NPHP4: variants seen among roughly 807,000 people sequenced by gnomAD.
NPHP4 encodes the protein nephrocystin 4, also known as nephrocystin-4.
A neutral mutation model predicts 155.8 loss-of-function variants in NPHP4; 151 were observed. That is an observed-to-expected ratio of 0.97 (90% CI 0.85 to 1.11). The LOEUF (loss-of-function observed/expected upper bound fraction) is 1.11. Among genes scored for constraint, NPHP4 ranks in the 50% least tolerant of loss-of-function variants. NPHP4 has a pLI of 0.00. For synonymous variants in NPHP4, 845 were observed against 816.8 expected (o/e 1.03, Z -0.59); for missense variants, 1,956 against 1,925.7 (o/e 1.02, Z -0.29).
chr1:5,864,244 C>CA, intron 28 of NPHP4, 94 bp downstream of exon 28: 1 of 1,281,672 alleles, frequency 7.8e-7, no homozygotes, highest in South Asian at 1.4e-5. Flanking sequence ...ACACTGTATC[C>CA]AGTGGTCCGA....
At chr1:5,964,941 A>ATATATATTTTTTTTTTTTTTTTTTT in intron 5 of NPHP4, among the ~76,000 whole-genome samples, 29 of 59,400 alleles carry the variant, frequency 4.9e-4, no homozygotes, top group African/African-American at 2.2e-3. Context: ...ATATATATAT[A>ATATATATTTTTTTTTTTTTTTTTTT]TTTTTTTTTT....
At chr1:5,990,480 A>G (rs806107) in intron 1 of NPHP4, among the ~76,000 whole-genome samples, 65,777 of 151,588 alleles carry the variant, frequency 0.43, 14,791 homozygotes, top group African/African-American at 0.57. Flanking sequence ...AAATACACCC[A>G]CTTTTAATGA....
chr1:5,925,390 A>C (rs947182181), intron 11 of NPHP4, among the ~76,000 whole-genome samples: 1 of 152,226 alleles, frequency 6.6e-6, no homozygotes, highest in African/African-American at 2.4e-5. Context: ...AAGGGACTTG[A>C]GCATGTGGAA....
intron 4 of NPHP4, among the ~76,000 whole-genome samples, chr1:5,968,727 A>G (rs1651991904): frequency 6.6e-6 from 1 of 152,150 alleles, no homozygotes; most frequent in African/African-American, 2.4e-5. Flanking sequence ...TTAAACCACC[A>G]TAGAAAGATG....
chr1:5,881,353 C>T (rs1643268508), intron 18 of NPHP4: 1 of 152,272 alleles, frequency 6.6e-6, no homozygotes, highest in Admixed American at 6.5e-5. Flanking sequence ...AGGTGTCTCT[C>T]TAGAATGGGT....
rs765386266 is a variant in NPHP4 at position 5,880,036 on chromosome 1, C to T, written c.2611+78G>A. 2.6e-6 allele frequency: 4 copies of T among 1,531,084 alleles called. No individual in the cohort carries two copies. In the African/African-American group the frequency reaches 4.1e-5, roughly 16 times the overall value. The allele number at this position is 1,531,084 out of a possible 1,614,324, so 94.8% of individuals were successfully genotyped here. Reference sequence around the variant, plus strand: ...ACACACATGCACACACGCATGCACACACACACACACGCAGTCTTCCACCTC... The same window carrying T: ...ACACACATGCACACACGCATGCACATACACACACACGCAGTCTTCCACCTC... On this transcript the variant is annotated intron_variant, in intron 19 of 29. Coordinates refer to ENST00000378156, the MANE Select transcript of NPHP4 (RefSeq NM_015102.5).
chr1:5,956,619 C>T (rs942454188), intron 6 of NPHP4, among the ~76,000 whole-genome samples: 15 of 152,284 alleles, frequency 9.9e-5, no homozygotes, highest in Middle Eastern at 3.4e-3. Context: ...CTGTGACCTT[C>T]GAGAGGCCAG....
At chr1:5,864,104 T>G in intron 28 of NPHP4, 71 bp from the exon 29 acceptor site, 1 of 1,542,210 alleles carries the variant, frequency 6.5e-7, no homozygotes, top group Non-Finnish European at 8.9e-7. Context: ...CCTCCAAGTA[T>G]TCCCTGAGTC....
chr1:5,922,597 G>C (rs1238197045), intron 11 of NPHP4, among the ~76,000 whole-genome samples: 1 of 152,010 alleles, frequency 6.6e-6, no homozygotes, highest in Non-Finnish European at 1.5e-5. Flanking sequence ...AAGGTGGGAG[G>C]ACCACTTGAG....
chr1:5,913,776 A>G (rs760993486), intron 11 of NPHP4, among the ~76,000 whole-genome samples: 57 of 152,362 alleles, frequency 3.7e-4, no homozygotes, highest in African/African-American at 1.2e-3. Flanking sequence ...GAAGTTGTAC[A>G]GTGAACAAAT....
intron 2 of NPHP4, among the ~76,000 whole-genome samples, chr1:5,984,699 C>A (rs1340758557): frequency 3.3e-5 from 5 of 152,128 alleles, no homozygotes; most frequent in Non-Finnish European, 5.9e-5. Context: ...CTGGGGATGC[C>A]ATGGGATGAT....
chr1:5,896,977 C>T (rs949866844), intron 16 of NPHP4, among the ~76,000 whole-genome samples: 27 of 152,306 alleles, frequency 1.8e-4, no homozygotes, highest in African/African-American at 6.0e-4. Context: ...GCAAAACAGC[C>T]GGACACCTAA....
At chr1:5,936,423 G>C (rs190862671) in intron 9 of NPHP4, among the ~76,000 whole-genome samples, 1 of 152,028 alleles carries the variant, frequency 6.6e-6, no homozygotes, top group East Asian at 1.9e-4. Flanking sequence ...AGTCTAACAC[G>C]CTCCTACAGC....
In NPHP4 at chr1:5,910,129, GC is replaced by G. The variant is rs770843104; in HGVS notation, c.1442-917del. On this transcript the variant is annotated intron_variant, in intron 11 of 29. Coordinates refer to ENST00000378156, the MANE Select transcript of NPHP4 (RefSeq NM_015102.5). The surrounding 1 kb of genome is among the most constrained non-coding windows in gnomAD (Gnocchi z 5.4). ...TTCACATACACTGCCATTTGCCTTT[GC>G]CCACCATGAAACCACCAAGCCAGAC... Among the ~76,000 whole-genome samples the G allele has an allele frequency of 6.6e-6, 1 of 152,130 alleles. No homozygotes were observed. Among genetic ancestry groups the G allele is most frequent in the Non-Finnish European group, 1.5e-5 (1 of 68,022 alleles).
At chr1:5,868,881 C>T (rs1191714251) in intron 23 of NPHP4, among the ~76,000 whole-genome samples, 11 of 144,064 alleles carry the variant, frequency 7.6e-5, no homozygotes, top group East Asian at 2.1e-4. Context: ...TGCCCCCACA[C>T]GCACACATAT....
At chr1:5,873,042 C>T (rs188801757) in intron 23 of NPHP4, among the ~76,000 whole-genome samples, 10 of 152,318 alleles carry the variant, frequency 6.6e-5, no homozygotes, top group East Asian at 3.9e-4. Context: ...GAGGCATTTC[C>T]GACCAGATAC....
At position 5,887,384 on chromosome 1, in the gene NPHP4, A is replaced by G. The variant is rs373607036; in HGVS notation, c.2387T>C (p.Met796Thr). 32 of 1,613,350 alleles carry G rather than the reference A, an allele frequency of 2.0e-5. No homozygotes were observed. The highest frequency in any genetic ancestry group is 2.6e-5 in the Non-Finnish European group (31 of 1,179,866). Residue 796 changes from methionine to threonine, a missense_variant, in exon 18 of 30, where the codon ATG becomes ACG. Met to Thr is a moderately conservative substitution (Grantham distance 81). Coordinates refer to ENST00000378156, the MANE Select transcript of NPHP4 (RefSeq NM_015102.5). ...CCCCAGCATGTCTCCACTCACCACCATGTTGTCCTGCTCGTATTCAGTTGC... is the reference window on the plus strand; with the variant it reads ...CCCCAGCATGTCTCCACTCACCACCGTGTTGTCCTGCTCGTATTCAGTTGC... ...VVATEYEQDN[M>T]VVSGDMLGFG...
intron 11 of NPHP4, among the ~76,000 whole-genome samples, chr1:5,921,420 C>G (rs1192427985): frequency 1.3e-5 from 2 of 152,216 alleles, no homozygotes; most frequent in Admixed American, 1.3e-4. Context: ...CTCTTCAAAG[C>G]GGCTGCACAC....
rs955316237 is a variant in NPHP4 at position 5,874,427 on chromosome 1, G to A, written c.3231+44C>T. The A allele has an allele frequency of 1.2e-4, 179 of 1,461,246 alleles. 1 individual carries two copies. In the East Asian group the frequency reaches 3.4e-3, roughly 28 times the overall value. The allele number at this position is 1,461,246 out of a possible 1,614,324, so 90.5% of individuals were successfully genotyped here. The stretch of plus-strand genomic sequence containing the variant: ...CTGGAAGCATTCTCAATTTCCCACC[G>A]TCATCAGCCAAATGCAACTTCCCTG... On this transcript the variant is annotated intron_variant, in intron 22 of 29. Coordinates refer to ENST00000378156, the MANE Select transcript of NPHP4 (RefSeq NM_015102.5).
Sources: gnomAD v4.1 joint callset for allele counts (sites outside exome capture counted in the v4.1 genomes callset) on GRCh38, gnomAD v4.1.1 for gene constraint, Gnocchi (gnomAD v3.1) non-coding constraint, MANE v1.5 for transcripts, NCBI Gene and HGNC (gene_info 2026-07-23, HGNC 2026-07-21) for gene names.